Variants in CSMD1 observed in about 807,000 individuals in gnomAD.
The protein encoded by CSMD1 is CUB and Sushi multiple domains 1.
In CSMD1, 213 loss-of-function variants were observed where a neutral mutation model predicts 417.5. The ratio of observed to expected loss-of-function variants is 0.51; its 90% confidence interval spans 0.46 to 0.57. The LOEUF (loss-of-function observed/expected upper bound fraction) is 0.57. Among genes scored for constraint, CSMD1 ranks in the 20% least tolerant of loss-of-function variants. The probability of loss-of-function intolerance (pLI) is 0.00; values close to 1 mark genes in which losing one functional copy is unlikely to be tolerated. For missense variants in CSMD1, 6,923 were observed against 4,529.7 expected, an observed-to-expected ratio of 1.53 and a Z score of -15.17; for synonymous variants, 2,862 against 1,736.8, an observed-to-expected ratio of 1.65 and a Z score of -16.11.
intron 69 of CSMD1, among the ~76,000 whole-genome samples, chr8:2,940,508 A>G (rs180788262): frequency 1.3e-3 from 196 of 152,116 alleles, no homozygotes; most frequent in African/African-American, 4.2e-3. Context: ...AATAAGCGCT[A>G]TCTCCCTTAT....
chr8:3,917,227 T>C (rs900259326), intron 5 of CSMD1, among the ~76,000 whole-genome samples: 1 of 152,204 alleles, frequency 6.6e-6, no homozygotes, highest in East Asian at 1.9e-4. Flanking sequence ...CCATTTCCTG[T>C]GGTTGAAATG....
At chr8:3,503,979 G>A (rs116458722) in intron 10 of CSMD1, among the ~76,000 whole-genome samples, 3,188 of 152,104 alleles carry the variant, frequency 0.021, 112 homozygotes, top group African/African-American at 0.073. Flanking sequence ...TTGATTTTGG[G>A]GTATGAAAGT....
chr8:3,347,736 A>G (rs1225325874), intron 22 of CSMD1, among the ~76,000 whole-genome samples: 1 of 152,228 alleles, frequency 6.6e-6, no homozygotes, highest in Non-Finnish European at 1.5e-5. Flanking sequence ...AAAGTGTTAA[A>G]TAACTTTCAT....
At chr8:4,083,548 C>G (rs750426819) in intron 3 of CSMD1, among the ~76,000 whole-genome samples, 1 of 152,184 alleles carries the variant, frequency 6.6e-6, no homozygotes, top group African/African-American at 2.4e-5. Flanking sequence ...ATATTTACAA[C>G]TGTCTGATCT....
Position 4,521,883 on chromosome 8 carries a change from G to A in CSMD1, c.303-101818C>T, listed in dbSNP as rs532311751. On this transcript the variant is annotated intron_variant, in intron 2 of 69. Transcript: ENST00000635120. ...CTTTAGCTCCTGGGAAAACTGTCAG[G>A]TCAAATTGCACGCCATGGCAGGCAC... Among the ~76,000 whole-genome samples, 29 of 152,310 alleles carry A rather than the reference G, an allele frequency of 1.9e-4. No individual in the cohort carries two copies. In the South Asian group the frequency reaches 5.6e-3, roughly 29 times the overall value.
intron 2 of CSMD1, among the ~76,000 whole-genome samples, chr8:4,606,159 G>T (rs186853584): frequency 2.0e-4 from 30 of 152,258 alleles, no homozygotes; most frequent in African/African-American, 6.3e-4. Context: ...CTTCTAAACC[G>T]CAGGACACAT....
chr8:3,485,899 C>G (rs1818006086), intron 11 of CSMD1, among the ~76,000 whole-genome samples: 1 of 152,012 alleles, frequency 6.6e-6, no homozygotes, highest in Admixed American at 6.6e-5. Context: ...TGACATTTTA[C>G]TGTAGATTTG....
At chr8:4,953,641 G>T (rs540841572) in intron 1 of CSMD1, among the ~76,000 whole-genome samples, 1 of 152,088 alleles carries the variant, frequency 6.6e-6, no homozygotes, top group Non-Finnish European at 1.5e-5. Context: ...GAAATACACA[G>T]AAGCAGTCAG....
chr8:4,955,699 A>G (rs1246782124), intron 1 of CSMD1, among the ~76,000 whole-genome samples: 1 of 145,482 alleles, frequency 6.9e-6, no homozygotes, highest in Non-Finnish European at 1.5e-5. Flanking sequence ...CAGGTGATCC[A>G]CCCACCTCGG....
intron 1 of CSMD1, among the ~76,000 whole-genome samples, chr8:4,786,812 A>C (rs1797424958): frequency 6.6e-6 from 1 of 152,042 alleles, no homozygotes; most frequent in Admixed American, 6.5e-5. Flanking sequence ...AATTAATCCT[A>C]AAAGACTGAG....
chr8:4,361,729 G>C (rs1486133649), intron 3 of CSMD1, among the ~76,000 whole-genome samples: 2 of 151,664 alleles, frequency 1.3e-5, no homozygotes, highest in African/African-American at 4.8e-5. Context: ...GCCGAAGTGG[G>C]CGGATCACGA....
At chr8:3,213,731 A>T (rs937211600) in intron 30 of CSMD1, among the ~76,000 whole-genome samples, 1 of 150,822 alleles carries the variant, frequency 6.6e-6, no homozygotes, top group Non-Finnish European at 1.5e-5. Context: ...ATATATATGT[A>T]TATATGTAAA....
At chr8:4,875,908 G>T (rs894098042) in intron 1 of CSMD1, among the ~76,000 whole-genome samples, 4 of 151,896 alleles carry the variant, frequency 2.6e-5, no homozygotes, top group African/African-American at 9.7e-5. Flanking sequence ...ACTCAAAAGA[G>T]TCTTTAATAG....
chr8:3,921,718 T>C (rs566827905), intron 5 of CSMD1, among the ~76,000 whole-genome samples: 1 of 152,188 alleles, frequency 6.6e-6, no homozygotes, highest in Non-Finnish European at 1.5e-5. Context: ...TCCCTGATTT[T>C]AGTTTCATAA....
intron 50 of CSMD1, among the ~76,000 whole-genome samples, chr8:3,045,595 T>G (rs981340670): frequency 6.6e-6 from 1 of 152,188 alleles, no homozygotes; most frequent in African/African-American, 2.4e-5. Context: ...ATCACCTACT[T>G]AATACTTCTC....
intron 5 of CSMD1, among the ~76,000 whole-genome samples, chr8:3,853,569 GA>G (rs959548576): frequency 2.0e-5 from 3 of 151,892 alleles, no homozygotes; most frequent in African/African-American, 7.3e-5. Context: ...AAGTGATTAT[GA>G]AAAAAATAAG....
At chr8:4,962,197 T>TAA (rs368435637) in intron 1 of CSMD1, among the ~76,000 whole-genome samples, 3,806 of 121,228 alleles carry the variant, frequency 0.031, 141 homozygotes, top group African/African-American at 0.099. Context: ...GCTTTTTTTT[T>TAA]AAAAAAAAAA....
chr8:3,195,367 C>A (rs1177826686), intron 33 of CSMD1, among the ~76,000 whole-genome samples: 1 of 151,982 alleles, frequency 6.6e-6, no homozygotes, highest in African/African-American at 2.4e-5. Context: ...TGTTTTCAGG[C>A]GGATTGATTC....
chr8:3,303,947 C>G (rs532578576), intron 25 of CSMD1, among the ~76,000 whole-genome samples: 833 of 75,320 alleles, frequency 0.011, 7 homozygotes, highest in African/African-American at 0.032. Context: ...GTATTGCGCC[C>G]CATTATAATA....
Sources: gnomAD v4.1 joint callset for allele counts (sites outside exome capture counted in the v4.1 genomes callset) on GRCh38, gnomAD v4.1.1 for gene constraint, MANE v1.5 for transcripts, NCBI Gene and HGNC (gene_info 2026-07-23, HGNC 2026-07-21) for gene names.